DLGAP2: variants seen among roughly 807,000 people sequenced by gnomAD.
DLGAP2 encodes disks large-associated protein 2.
Under a neutral mutation model 100.3 loss-of-function variants are expected in DLGAP2, and 26 were observed. The observed-to-expected ratio is 0.26, with a 90% confidence interval of 0.19 to 0.36. The LOEUF is 0.36. DLGAP2 is among the 10% of genes least tolerant of loss of function. DLGAP2 has a pLI of 1.00. For synonymous variants in DLGAP2, 886 were observed against 630.1 expected (o/e 1.41, Z -6.08); for missense variants, 1,858 against 1,453.2 (o/e 1.28, Z -4.53).
At chr8:871,090 C>G (rs1797588329) in intron 1 of DLGAP2, among the ~76,000 whole-genome samples, 2 of 152,224 alleles carry the variant, frequency 1.3e-5, no homozygotes, top group African/African-American at 4.8e-5. Context: ...TGACATCAGT[C>G]AGAGCCTGAC....
intron 2 of DLGAP2, among the ~76,000 whole-genome samples, chr8:937,532 T>C (rs1023687352): frequency 2.0e-5 from 3 of 152,166 alleles, no homozygotes; most frequent in Admixed American, 6.5e-5. Flanking sequence ...CCCTCAGCTC[T>C]GTGGATGGTG....
At chr8:1,244,842 A>G (rs572840891) in intron 2 of DLGAP2, among the ~76,000 whole-genome samples, 1 of 152,368 alleles carries the variant, frequency 6.6e-6, no homozygotes, top group South Asian at 2.1e-4. Flanking sequence ...AGTAAGAAGG[A>G]AACTCAAGTA....
At chr8:742,177 T>A (rs1013433382) in intron 1 of DLGAP2, among the ~76,000 whole-genome samples, 7 of 152,220 alleles carry the variant, frequency 4.6e-5, no homozygotes, top group African/African-American at 1.7e-4. Flanking sequence ...TTAAACCTCT[T>A]GTTGCAGGGA....
chr8:1,384,383 C>T (rs1796167871), intron 3 of DLGAP2, among the ~76,000 whole-genome samples: 1 of 136,262 alleles, frequency 7.3e-6, no homozygotes, highest in Admixed American at 7.2e-5. Flanking sequence ...CCGGCCTGTG[C>T]CCGGCCCCTG....
intron 14 of DLGAP2, among the ~76,000 whole-genome samples, chr8:1,698,174 T>C (rs1217195403): frequency 6.6e-6 from 1 of 152,174 alleles, no homozygotes; most frequent in African/African-American, 2.4e-5. Flanking sequence ...CCAGGCCAGA[T>C]GCAATGGATC....
At chr8:1,363,479 G>A (rs1802033201) in intron 3 of DLGAP2, among the ~76,000 whole-genome samples, 1 of 152,234 alleles carries the variant, frequency 6.6e-6, no homozygotes, top group Non-Finnish European at 1.5e-5. Flanking sequence ...ACCACCCAGT[G>A]ATGGCCTTGT....
chr8:1,216,624 C>T lies in DLGAP2; in HGVS notation c.74-42227C>T, dbSNP rs139756087. Among the ~76,000 whole-genome samples, 900 of 152,244 alleles carry T rather than the reference C, an allele frequency of 5.9e-3. 7 individuals are homozygous for T. Among genetic ancestry groups the T allele is most frequent in the African/African-American group, 0.02 (822 of 41,552 alleles). ...GTGCTGAGATTACAGGCATGAGCTA[C>T]CACATCCTGCCCTCAATTGATTTTT... On this transcript the variant is annotated intron_variant, in intron 2 of 14. Coordinates refer to ENST00000637795, the MANE Select transcript of DLGAP2 (RefSeq NM_001346810.2).
At chr8:1,440,114 A>C (rs1797784415) in intron 3 of DLGAP2, among the ~76,000 whole-genome samples, 1 of 152,088 alleles carries the variant, frequency 6.6e-6, no homozygotes, top group African/African-American at 2.4e-5. Flanking sequence ...GAAATGTGAG[A>C]TTTTACTCCT....
chr8:789,277 G>C (rs765483319), intron 1 of DLGAP2, among the ~76,000 whole-genome samples: 6 of 152,214 alleles, frequency 3.9e-5, no homozygotes, highest in Non-Finnish European at 8.8e-5. Context: ...AAGCATGGCT[G>C]GGAGGCCTCA....
chr8:1,094,116 G>A (rs528060452), intron 2 of DLGAP2, among the ~76,000 whole-genome samples: 3 of 152,216 alleles, frequency 2.0e-5, no homozygotes, highest in South Asian at 2.1e-4. Context: ...GGGCAGCTCC[G>A]TGGAGTGGGC....
At chr8:921,644 G>A (rs1002592790) in intron 2 of DLGAP2, among the ~76,000 whole-genome samples, 1 of 152,244 alleles carries the variant, frequency 6.6e-6, no homozygotes, top group Admixed American at 6.5e-5. Flanking sequence ...CGCTGGCAGC[G>A]CAGCTGTTAC....
At chr8:1,619,549 C>A (rs1797261797) in intron 6 of DLGAP2, 1 of 152,168 alleles carries the variant, frequency 6.6e-6, no homozygotes, top group African/African-American at 2.4e-5. Context: ...GAAATATTTT[C>A]TTCAGACCAG....
intron 2 of DLGAP2, among the ~76,000 whole-genome samples, chr8:1,056,205 C>T (rs1362009418): frequency 4.6e-5 from 7 of 152,324 alleles, no homozygotes; most frequent in South Asian, 4.1e-4. Context: ...TTTGATCAAA[C>T]GACCTCAGTT....
At chr8:895,178 C>T (rs922256888) in intron 1 of DLGAP2, among the ~76,000 whole-genome samples, 2 of 151,968 alleles carry the variant, frequency 1.3e-5, no homozygotes, top group Non-Finnish European at 2.9e-5. Context: ...AATGTTCTCA[C>T]CACAAAGAAA....
At chr8:1,208,299 G>A (rs1194322287) in intron 2 of DLGAP2, among the ~76,000 whole-genome samples, 2 of 152,116 alleles carry the variant, frequency 1.3e-5, no homozygotes, top group South Asian at 2.1e-4. Context: ...GATTATCCCA[G>A]GACCATTTGT....
At chr8:1,328,085 G>C (rs941912777) in intron 3 of DLGAP2, among the ~76,000 whole-genome samples, 45 of 151,902 alleles carry the variant, frequency 3.0e-4, no homozygotes, top group African/African-American at 9.9e-4. Context: ...TGTCTCCCAG[G>C]CTGGAGTGCA....
chr8:1,073,981 G>T (rs904086847), intron 2 of DLGAP2, among the ~76,000 whole-genome samples: 1 of 152,054 alleles, frequency 6.6e-6, no homozygotes, highest in Admixed American at 6.5e-5. Flanking sequence ...ACATATTCAG[G>T]AGTCACTGTA....
intron 6 of DLGAP2, among the ~76,000 whole-genome samples, chr8:1,618,827 T>C (rs1391671498): frequency 6.6e-6 from 1 of 152,168 alleles, no homozygotes; most frequent in Non-Finnish European, 1.5e-5. Flanking sequence ...GGGCCCTCTG[T>C]GCACTGTAGG....
At chr8:1,227,494 T>C (rs1418083416) in intron 2 of DLGAP2, among the ~76,000 whole-genome samples, 1 of 149,872 alleles carries the variant, frequency 6.7e-6, no homozygotes, top group Non-Finnish European at 1.5e-5. Context: ...TTTGCTTCTT[T>C]TCTTTTCTTT....
Sources: allele counts gnomAD v4.1 joint callset (sites outside exome capture counted in the v4.1 genomes callset), GRCh38; gene constraint gnomAD v4.1.1; transcripts MANE v1.5; gene names NCBI Gene and HGNC (gene_info 2026-07-23, HGNC 2026-07-21).